APBB2: variants seen among roughly 807,000 people sequenced by gnomAD.
APBB2 encodes Fe65-like 1.
APBB2 carries 38 observed loss-of-function variants against 82.5 expected under a neutral mutation model. The observed-to-expected ratio is 0.46, with a 90% confidence interval of 0.36 to 0.60. APBB2 has a LOEUF of 0.60. Among genes scored for constraint, APBB2 ranks in the 20% least tolerant of loss-of-function variants. The pLI is 0.00. For missense variants in APBB2, 772 were observed against 972.3 expected (o/e 0.79, Z 2.74); for synonymous variants, 341 against 368.2 (o/e 0.93, Z 0.85).
At chr4:40,906,737 G>A (rs1164612239) in intron 10 of APBB2, among the ~76,000 whole-genome samples, 1 of 152,026 alleles carries the variant, frequency 6.6e-6, no homozygotes, top group African/African-American at 2.4e-5. Flanking sequence ...GACCATGAAA[G>A]GACTTGAACC....
Position 40,909,496 on chromosome 4 carries a change from C to T in APBB2, c.1255-16085G>A, listed in dbSNP as rs538919240. 3.0e-4 allele frequency among the ~76,000 whole-genome samples: 45 copies of T among 152,216 alleles called. No homozygotes were observed. In the East Asian group the frequency reaches 6.8e-3, roughly 23 times the overall value. On this transcript the variant is annotated intron_variant, in intron 10 of 17. Coordinates refer to ENST00000508593, the MANE Select transcript of APBB2 (RefSeq NM_004307.2). ...TTCACTCATGCCAGAGACACGCCTC[C>T]GGGTTGTGATTTAGTACAGAAACAG...
intron 3 of APBB2, among the ~76,000 whole-genome samples, chr4:41,083,650 TG>T (rs1353401419): frequency 8.5e-6 from 1 of 118,048 alleles, no homozygotes; most frequent in African/African-American, 3.2e-5. Flanking sequence ...ATCACGCCAC[TG>T]CACTCCAGCC....
intron 1 of APBB2, among the ~76,000 whole-genome samples, chr4:41,203,205 CAT>C (rs1175256876): frequency 3.3e-5 from 5 of 151,788 alleles, no homozygotes; most frequent in African/African-American, 1.2e-4. Flanking sequence ...AAAAGATACA[CAT>C]ATACACACAC....
chr4:41,204,454 G>A (rs1348759851), intron 1 of APBB2, among the ~76,000 whole-genome samples: 1 of 152,094 alleles, frequency 6.6e-6, no homozygotes, highest in African/African-American at 2.4e-5. Flanking sequence ...CTAGAGTCAG[G>A]GTGCCTTAAG....
At chr4:41,190,624 G>T (rs1774177530) in intron 1 of APBB2, among the ~76,000 whole-genome samples, 1 of 152,092 alleles carries the variant, frequency 6.6e-6, no homozygotes, top group East Asian at 1.9e-4. Flanking sequence ...TATCCAGCAT[G>T]GAAAAGGGAT....
chr4:41,095,471 G>C (rs1477527364), intron 3 of APBB2, among the ~76,000 whole-genome samples: 1 of 152,172 alleles, frequency 6.6e-6, no homozygotes, highest in African/African-American at 2.4e-5. Context: ...GACAGGGAAC[G>C]AGCCCATTGA....
chr4:41,004,244 C>T (rs1806050671), intron 6 of APBB2, among the ~76,000 whole-genome samples: 1 of 152,048 alleles, frequency 6.6e-6, no homozygotes, highest in Admixed American at 6.6e-5. Context: ...TTTAAGCCAC[C>T]AAGTGTGTGA....
At chr4:41,155,493 T>C (rs1177733860) in intron 1 of APBB2, among the ~76,000 whole-genome samples, 4 of 152,182 alleles carry the variant, frequency 2.6e-5, no homozygotes, top group Non-Finnish European at 5.9e-5. Context: ...GAAACACTGA[T>C]CTATTCAACA....
rs1227190868 is a variant in APBB2, at chr4:41,060,334, G to A, written c.-51+5242C>T. ...TTTGCAAAAACTTGTAATATGCAAA[G>A]AATTTCTCCCCTTATCAATGCTGAG... On this transcript the variant is annotated intron_variant, in intron 4 of 17. Transcript: ENST00000508593. 2.6e-5 allele frequency among the ~76,000 whole-genome samples: 4 copies of A among 152,214 alleles called. No individual in the cohort carries two copies. In the East Asian group the frequency reaches 7.7e-4, roughly 29 times the overall value.
At chr4:40,986,910 A>C (rs554594978) in intron 6 of APBB2, among the ~76,000 whole-genome samples, 160 of 152,370 alleles carry the variant, frequency 1.1e-3, no homozygotes, top group African/African-American at 3.7e-3. Context: ...ACGGCAAAGG[A>C]GTACGACAGG....
At chr4:41,089,351 T>C (rs2153950802) in intron 3 of APBB2, among the ~76,000 whole-genome samples, 1 of 152,310 alleles carries the variant, frequency 6.6e-6, no homozygotes, top group South Asian at 2.1e-4. Context: ...TCCAAAATGC[T>C]CCAATGAACA....
intron 12 of APBB2, among the ~76,000 whole-genome samples, chr4:40,872,182 A>C (rs1163866260): frequency 1.3e-5 from 2 of 152,214 alleles, no homozygotes; most frequent in East Asian, 3.8e-4. Flanking sequence ...TGTAGTCTAG[A>C]TTGTGACTTT....
chr4:41,038,339 C>T (rs560135642), intron 4 of APBB2, among the ~76,000 whole-genome samples: 14 of 152,226 alleles, frequency 9.2e-5, no homozygotes, highest in African/African-American at 3.1e-4. Context: ...AAAAATCAGA[C>T]AAACAATTAC....
chr4:40,835,666 C>T (rs751595455), intron 12 of APBB2, among the ~76,000 whole-genome samples: 13 of 152,176 alleles, frequency 8.5e-5, no homozygotes, highest in Non-Finnish European at 1.5e-4. Flanking sequence ...CAGGACTGGC[C>T]CTTACTCCGA....
intron 6 of APBB2, among the ~76,000 whole-genome samples, chr4:40,947,894 G>A (rs1193157824): frequency 6.6e-6 from 1 of 152,148 alleles, no homozygotes; most frequent in Non-Finnish European, 1.5e-5. Flanking sequence ...GGGAAAGAAA[G>A]AATAAATAAA....
At chr4:41,083,130 A>C (rs951084719) in intron 3 of APBB2, among the ~76,000 whole-genome samples, 2 of 152,100 alleles carry the variant, frequency 1.3e-5, no homozygotes, top group African/African-American at 4.8e-5. Flanking sequence ...ATCCCACCGC[A>C]CTCCAGCCTG....
intron 3 of APBB2, among the ~76,000 whole-genome samples, chr4:41,066,214 C>T (rs530146840): frequency 4.5e-4 from 68 of 152,046 alleles, no homozygotes; most frequent in Admixed American, 1.4e-3. Flanking sequence ...ATGTATTTTC[C>T]GAAACTGAAA....
intron 13 of APBB2, among the ~76,000 whole-genome samples, chr4:40,827,930 A>G (rs1299252724): frequency 1.3e-5 from 2 of 152,094 alleles, no homozygotes; most frequent in African/African-American, 4.8e-5. Flanking sequence ...TCATAGGGGC[A>G]GTTTTCCCCC....
chr4:41,163,901 G>C (rs892095286), intron 1 of APBB2, among the ~76,000 whole-genome samples: 2 of 152,150 alleles, frequency 1.3e-5, no homozygotes, highest in South Asian at 4.2e-4. Context: ...CTACAGCTTT[G>C]TATTCAACCT....
Sources: allele counts gnomAD v4.1 joint callset (sites outside exome capture counted in the v4.1 genomes callset), GRCh38; gene constraint gnomAD v4.1.1; transcripts MANE v1.5; gene names NCBI Gene and HGNC (gene_info 2026-07-23, HGNC 2026-07-21).